The following SETBP1 variants were observed in gnomAD, a reference collection of about 807,000 sequenced individuals.
SETBP1 encodes SET binding protein 1.
Under a neutral mutation model 101.0 loss-of-function variants are expected in SETBP1, and 9 were observed. The observed-to-expected ratio is 0.09, with a 90% CI of 0.05 to 0.16. The LOEUF is 0.16. Among genes scored for constraint, SETBP1 ranks in the 10% least tolerant of loss-of-function variants. The pLI, the probability that SETBP1 is intolerant of heterozygous loss-of-function variation, is 1.00. For synonymous variants in SETBP1, 818 were observed against 788.5 expected (o/e 1.04, Z -0.63); for missense variants, 1,858 against 2,033.8 (o/e 0.91, Z 1.66).
rs185399306 is a variant in SETBP1, at chr18:44,868,912, T to C, written c.487-318T>C. ...TCTATAGATTCACACATACTTACAA[T>C]TTCAGGGAGCCATGGACCTGATGAA... On this transcript the variant is annotated intron_variant, in intron 2 of 5. Transcript: ENST00000649279. Among the ~76,000 whole-genome samples, 73 of 152,262 alleles carry C rather than the reference T, an allele frequency of 4.8e-4. No individual in the cohort carries two copies. The East Asian group carries it at 0.014, about 29-fold the overall frequency.
intron 5 of SETBP1, among the ~76,000 whole-genome samples, chr18:45,040,494 A>G (rs1213736226): frequency 6.6e-6 from 1 of 152,206 alleles, no homozygotes; most frequent in East Asian, 1.9e-4. Context: ...AACCTTGTCG[A>G]TTAAGCACTG....
chr18:44,767,511 A>T (rs950034057), intron 2 of SETBP1, among the ~76,000 whole-genome samples: 12 of 152,198 alleles, frequency 7.9e-5, no homozygotes, highest in African/African-American at 2.9e-4. Flanking sequence ...AATTCAACTC[A>T]CCAAATTGGT....
intron 2 of SETBP1, among the ~76,000 whole-genome samples, chr18:44,832,425 C>A (rs983010206): frequency 6.6e-6 from 1 of 152,204 alleles, no homozygotes; most frequent in African/African-American, 2.4e-5. Flanking sequence ...ATGCCCCTGG[C>A]TCTCTGACCA....
chr18:44,880,460 A>G (rs902573253), intron 3 of SETBP1, among the ~76,000 whole-genome samples: 4 of 152,210 alleles, frequency 2.6e-5, no homozygotes, highest in African/African-American at 9.7e-5. Flanking sequence ...AGGAACAGAA[A>G]TCCCAAAGTA....
intron 2 of SETBP1, among the ~76,000 whole-genome samples, chr18:44,868,257 A>G (rs974388649): frequency 5.9e-5 from 9 of 152,236 alleles, no homozygotes; most frequent in South Asian, 2.1e-4. Context: ...AGTATAAATG[A>G]TAAAATCCTA....
At chr18:45,063,033 C>G in intron 5 of SETBP1, 46 bp from the exon 6 acceptor site, 1 of 1,611,288 alleles carries the variant, frequency 6.2e-7, no homozygotes, top group Non-Finnish European at 8.5e-7. Context: ...GAGTTGAAGG[C>G]ACCTTGCATC....
At position 44,680,998 on chromosome 18, in the gene SETBP1, CAAG is replaced by C; in HGVS notation, c.-192_-190del. The C allele has an allele frequency of 6.6e-6, 1 of 152,142 alleles. No individual in the cohort carries two copies. The highest frequency in any genetic ancestry group is 2.1e-4 in the South Asian group (1 of 4,812). The allele number at this position is 152,142 out of a possible 1,614,324, so 9.4% of individuals were successfully genotyped here. ...TGTCGTTAATAGAAAGAAGAACAGG[CAAG>C]AAGTGGTCCAGCCGGCGAAGGTTGG... On this transcript the variant is annotated 5_prime_UTR_variant, in exon 1 of 6. Transcript: ENST00000649279.
chr18:44,805,106 C>T (rs1216091994), intron 2 of SETBP1, among the ~76,000 whole-genome samples: 1 of 152,104 alleles, frequency 6.6e-6, no homozygotes, highest in Non-Finnish European at 1.5e-5. Flanking sequence ...TTTGCAGTCC[C>T]TACACTTTGT....
intron 2 of SETBP1, among the ~76,000 whole-genome samples, chr18:44,774,266 A>G (rs2070944230): frequency 6.6e-6 from 1 of 152,180 alleles, no homozygotes; most frequent in Non-Finnish European, 1.5e-5. Context: ...GCGAAGCCAT[A>G]GAAAATTGTT....
chr18:44,688,128 G>A (rs2068867412), intron 1 of SETBP1, among the ~76,000 whole-genome samples: 1 of 152,202 alleles, frequency 6.6e-6, no homozygotes. Flanking sequence ...CCACTGAAAT[G>A]CTGCAATTGC....
At chr18:44,900,968 A>C (rs1328768454) in intron 3 of SETBP1, among the ~76,000 whole-genome samples, 1 of 152,192 alleles carries the variant, frequency 6.6e-6, no homozygotes, top group African/African-American at 2.4e-5. Flanking sequence ...TACTAGAAAC[A>C]AATAAAATCT....
chr18:44,714,776 G>T (rs1242277472), intron 2 of SETBP1, among the ~76,000 whole-genome samples: 1 of 151,866 alleles, frequency 6.6e-6, no homozygotes, highest in Non-Finnish European at 1.5e-5. Context: ...TTGATCTCAG[G>T]ACATTTAGGG....
intron 4 of SETBP1, among the ~76,000 whole-genome samples, chr18:45,034,623 T>G (rs1041239529): frequency 6.6e-6 from 1 of 152,238 alleles, no homozygotes; most frequent in Non-Finnish European, 1.5e-5. Context: ...CTTCCGGCTG[T>G]GTCTTTTAAT....
intron 4 of SETBP1, among the ~76,000 whole-genome samples, chr18:44,973,535 C>G (rs2071916126): frequency 6.6e-6 from 1 of 152,130 alleles, no homozygotes; most frequent in African/African-American, 2.4e-5. Flanking sequence ...ACTGTGATGT[C>G]TTTGATGCTG....
chr18:44,872,056 GAC>G (rs1401691010), intron 3 of SETBP1: 4 of 152,178 alleles, frequency 2.6e-5, no homozygotes, highest in Non-Finnish European at 5.9e-5. Context: ...TGAAGCAACA[GAC>G]ACACTTGAGT....
At chr18:44,720,017 T>C (rs2069551709) in intron 2 of SETBP1, among the ~76,000 whole-genome samples, 1 of 152,196 alleles carries the variant, frequency 6.6e-6, no homozygotes, top group South Asian at 2.1e-4. Context: ...TCTGAGGACC[T>C]CAGCTGAAGA....
At chr18:44,813,322 T>G (rs1270062527) in intron 2 of SETBP1, among the ~76,000 whole-genome samples, 1 of 152,220 alleles carries the variant, frequency 6.6e-6, no homozygotes, top group Non-Finnish European at 1.5e-5. Context: ...GGCTGTTTCC[T>G]GGGAAGTAGA....
intron 4 of SETBP1, among the ~76,000 whole-genome samples, chr18:44,962,778 C>A (rs2071638943): frequency 6.6e-6 from 1 of 152,140 alleles, no homozygotes; most frequent in Non-Finnish European, 1.5e-5. Context: ...GTAGAGCAGG[C>A]AAGTCCCAAG....
At chr18:44,719,070 A>G (rs1020777408) in intron 2 of SETBP1, among the ~76,000 whole-genome samples, 1 of 152,196 alleles carries the variant, frequency 6.6e-6, no homozygotes, top group African/African-American at 2.4e-5. Context: ...TATTTAATCT[A>G]TGGGATGTCC....
Sources: allele counts gnomAD v4.1 joint callset (sites outside exome capture counted in the v4.1 genomes callset), GRCh38; gene constraint gnomAD v4.1.1; transcripts MANE v1.5; gene names NCBI Gene and HGNC (gene_info 2026-07-23, HGNC 2026-07-21).